ADAMTS16: variants seen among roughly 807,000 people sequenced by gnomAD.
ADAMTS16 encodes the protein ADAM metallopeptidase with thrombospondin type 1 motif 16, also known as A disintegrin and metalloproteinase with thrombospondin motifs 16.
In ADAMTS16, 94 loss-of-function variants were observed where a neutral mutation model predicts 145.8. That is an observed-to-expected ratio of 0.64 (90% confidence interval 0.55 to 0.77). The LOEUF (loss-of-function observed/expected upper bound fraction) is 0.77. Ranked by LOEUF, ADAMTS16 falls within the 30% of genes least tolerant of loss-of-function variation. The pLI is 0.00. For synonymous variants in ADAMTS16, 659 were observed against 604.3 expected, an observed-to-expected ratio of 1.09 and a Z score of -1.33; for missense variants, 1,585 against 1,591.5, an observed-to-expected ratio of 1.00 and a Z score of 0.07.
At chr5:5,173,459 T>C (rs1480157278) in intron 3 of ADAMTS16, among the ~76,000 whole-genome samples, 1 of 151,930 alleles carries the variant, frequency 6.6e-6, no homozygotes, top group Non-Finnish European at 1.5e-5. Context: ...GCAAATAATA[T>C]CTTATAACTC....
At position 5,319,123 on chromosome 5, in the gene ADAMTS16, T is replaced by C. The variant is rs774125500; in HGVS notation, c.3660T>C (p.Ser1220=). ...FYGKQCCKTC[S]KSNL is the part of the protein sequence containing the mutation. Reference sequence around the variant, plus strand: ...GCAAGCAGTGCTGCAAGACTTGCTCTAAGTCCAACTTGTGAGTTGGGACCG... The same window carrying C: ...GCAAGCAGTGCTGCAAGACTTGCTCCAAGTCCAACTTGTGAGTTGGGACCG... Residue 1220 remains serine (S), a synonymous_variant, in exon 23 of 23, where the codon TCT becomes TCC. Transcript: ENST00000274181. 1.4e-5 allele frequency: 22 copies of C among 1,610,988 alleles called. No individual in the cohort carries two copies. The South Asian group carries it at 2.2e-4, about 16-fold the overall frequency.
At chr5:5,210,178 G>C (rs1362038818) in intron 10 of ADAMTS16, among the ~76,000 whole-genome samples, 1 of 152,130 alleles carries the variant, frequency 6.6e-6, no homozygotes, top group Non-Finnish European at 1.5e-5. Context: ...CAGAAGATGT[G>C]AATTCCCTGA....
At chr5:5,221,054 A>C (rs1736591886) in intron 10 of ADAMTS16, among the ~76,000 whole-genome samples, 1 of 151,918 alleles carries the variant, frequency 6.6e-6, no homozygotes, top group African/African-American at 2.4e-5. Context: ...CTCTCTCCCT[A>C]GTCTCCCGTT....
chr5:5,285,111 T>C (rs1160364976), intron 18 of ADAMTS16, among the ~76,000 whole-genome samples: 2 of 152,198 alleles, frequency 1.3e-5, no homozygotes, highest in Non-Finnish European at 2.9e-5. Context: ...ACCACCATGA[T>C]GTTTAAGATA....
chr5:5,203,986 G>T (rs1274829050), intron 9 of ADAMTS16, among the ~76,000 whole-genome samples: 1 of 152,186 alleles, frequency 6.6e-6, no homozygotes, highest in African/African-American at 2.4e-5. Flanking sequence ...GTCACACACT[G>T]CTCTGTGATA....
rs1236687330 is a variant in ADAMTS16 at position 5,320,136 on chromosome 5, C to T, written c.*998C>T. Reference sequence around the variant, plus strand: ...ATTTCTATAATGCCAGGTGGGAAGCCAGGCTGCGGGTGTTAGGGTGGGAAT... The same window carrying T: ...ATTTCTATAATGCCAGGTGGGAAGCTAGGCTGCGGGTGTTAGGGTGGGAAT... On this transcript the variant is annotated 3_prime_UTR_variant, in exon 23 of 23. Transcript: ENST00000274181. This position sits in a 1 kb window ranked among gnomAD's most constrained non-coding sequence, Gnocchi z 5.1. The T allele has an allele frequency of 9.5e-6, 3 of 316,388 alleles. No homozygotes were observed. Among genetic ancestry groups the T allele is most frequent in the African/African-American group, 2.3e-5 (1 of 43,146 alleles). 19.6% of individuals were successfully genotyped at this position (316,388 alleles called of 1,614,324 possible).
At chr5:5,211,840 T>A (rs930542045) in intron 10 of ADAMTS16, among the ~76,000 whole-genome samples, 2 of 152,188 alleles carry the variant, frequency 1.3e-5, no homozygotes, top group African/African-American at 4.8e-5. Context: ...ATTATTTAAT[T>A]GCCAAATAAT....
intron 21 of ADAMTS16, among the ~76,000 whole-genome samples, chr5:5,309,200 C>G (rs1478427789): frequency 6.6e-6 from 1 of 152,196 alleles, no homozygotes; most frequent in Non-Finnish European, 1.5e-5. Flanking sequence ...TATTTGCATG[C>G]AGCCTACACA....
Position 5,140,405 on chromosome 5 carries a change from C to T in ADAMTS16, c.-63C>T. ...CTCTGCCTGGGTCGGGTCCTCCCTGCCCGCTCGCACGCTGCCGGCCGGGGA... is the reference window on the plus strand; with the variant it reads ...CTCTGCCTGGGTCGGGTCCTCCCTGTCCGCTCGCACGCTGCCGGCCGGGGA... On this transcript the variant is annotated 5_prime_UTR_variant, in exon 1 of 23. Coordinates refer to ENST00000274181, the MANE Select transcript of ADAMTS16 (RefSeq NM_139056.4). The T allele has an allele frequency of 6.8e-7, 1 of 1,465,700 alleles. No individual in the cohort carries two copies. Among genetic ancestry groups the T allele is most frequent in the East Asian group, 2.9e-5 (1 of 34,398 alleles). 90.8% of individuals were successfully genotyped at this position (1,465,700 alleles called of 1,614,324 possible).
intron 6 of ADAMTS16, among the ~76,000 whole-genome samples, chr5:5,188,576 A>T (rs6555334): frequency 0.89 from 135,734 of 152,230 alleles, 60,615 homozygotes; most frequent in African/African-American, 0.96. Flanking sequence ...AGGAGCCAAG[A>T]GCCCAGCCTC....
rs1457534277 is a variant in ADAMTS16, at chr5:5,232,555, T to C, written c.1850+39T>C. On this transcript the variant is annotated intron_variant, in intron 12 of 22. Transcript: ENST00000274181. ...GACCTCCTTCCTCACAAACGACTGA[T>C]TTCCATGCCATGAACCCTCCAAGCA... 3.1e-6 allele frequency: 5 copies of C among 1,605,200 alleles called. No homozygotes were observed. In the South Asian group the frequency reaches 5.5e-5, roughly 18 times the overall value.
At chr5:5,207,735 A>G (rs1490821577) in intron 9 of ADAMTS16, among the ~76,000 whole-genome samples, 1 of 149,830 alleles carries the variant, frequency 6.7e-6, no homozygotes, top group African/African-American at 2.5e-5. Flanking sequence ...ATCATGAATG[A>G]GTGTTAAATT....
chr5:5,186,305 TG>T, intron 5 of ADAMTS16, 54 bp downstream of exon 5: 9 of 614,222 alleles, frequency 1.5e-5, no homozygotes, highest in Non-Finnish European at 2.0e-5. Context: ...TCGTAGGGTG[TG>T]TGTGTGTGTG....
intron 3 of ADAMTS16, among the ~76,000 whole-genome samples, chr5:5,174,011 GT>G (rs1276925222): frequency 6.6e-6 from 1 of 152,124 alleles, no homozygotes; most frequent in African/African-American, 2.4e-5. Flanking sequence ...AAAATCTTGT[GT>G]TTTTCTTTGT....
At chr5:5,147,681 T>C (rs1453862823) in intron 3 of ADAMTS16, among the ~76,000 whole-genome samples, 1 of 152,158 alleles carries the variant, frequency 6.6e-6, no homozygotes, top group African/African-American at 2.4e-5. Flanking sequence ...TCTTCCACAC[T>C]CTCCCAAGAA....
chr5:5,290,366 T>C (rs943600794), intron 18 of ADAMTS16, among the ~76,000 whole-genome samples: 1 of 152,134 alleles, frequency 6.6e-6, no homozygotes, highest in African/African-American at 2.4e-5. Flanking sequence ...TAATAAGGTG[T>C]TGCCTAGGCC....
chr5:5,140,896 CTTTT>C (rs59628659), intron 2 of ADAMTS16, 130 bp downstream of exon 2: 5 of 635,198 alleles, frequency 7.9e-6, no homozygotes, highest in Non-Finnish European at 1.2e-5. Flanking sequence ...CTGTTGTGAA[CTTTT>C]TTTTTTTTTA....
chr5:5,163,168 A>G (rs951781560), intron 3 of ADAMTS16, among the ~76,000 whole-genome samples: 1 of 152,176 alleles, frequency 6.6e-6, no homozygotes, highest in Non-Finnish European at 1.5e-5. Flanking sequence ...GTGGAGAAAA[A>G]TATGTAACTT....
intron 8 of ADAMTS16, among the ~76,000 whole-genome samples, chr5:5,192,344 G>A (rs2162744): frequency 0.69 from 105,263 of 151,998 alleles, 36,632 homozygotes; most frequent in South Asian, 0.79. Flanking sequence ...GGTCTGGTGG[G>A]CTGATCTCAT....
Sources: gnomAD v4.1 joint callset for allele counts (sites outside exome capture counted in the v4.1 genomes callset) on GRCh38, gnomAD v4.1.1 for gene constraint, Gnocchi (gnomAD v3.1) non-coding constraint, MANE v1.5 for transcripts, NCBI Gene and HGNC (gene_info 2026-07-23, HGNC 2026-07-21) for gene names.